ANK1: variants seen among roughly 807,000 people sequenced by gnomAD.
ANK1 encodes ankyrin 1, also known as ankyrin-1.
In ANK1, 51 loss-of-function variants were observed where a neutral mutation model predicts 210.4. The observed-to-expected ratio is 0.24, with a 90% CI of 0.19 to 0.31. The LOEUF (loss-of-function observed/expected upper bound fraction) is 0.31, where lower values mean the gene tolerates loss of function less well. Among genes scored for constraint, ANK1 ranks in the 10% least tolerant of loss-of-function variants. The pLI is 1.00. For synonymous variants in ANK1, 967 were observed against 1,025.9 expected (o/e 0.94, Z 1.10); for missense variants, 2,051 against 2,504.4 (o/e 0.82, Z 3.86).
chr8:41,820,326 AATGTGT>A (rs1476372067), intron 1 of ANK1, among the ~76,000 whole-genome samples: 1 of 102,358 alleles, frequency 9.8e-6, no homozygotes, highest in Non-Finnish European at 2.1e-5. Context: ...CACCAAGCTA[AATGTGT>A]GTGTGTGTGT....
intron 3 of ANK1, among the ~76,000 whole-genome samples, chr8:41,733,031 C>T (rs1832611624): frequency 6.6e-6 from 1 of 152,232 alleles, no homozygotes; most frequent in Non-Finnish European, 1.5e-5. Flanking sequence ...AGCCACCGCG[C>T]CCAGTCTGTT....
At position 41,690,530 on chromosome 8, in the gene ANK1, G is replaced by A. The variant is rs2150586181; in HGVS notation, c.3928C>T (p.Gln1310Ter). Residue 1310 changes from glutamine to a stop codon, truncating the protein, a stop_gained, in exon 32 of 43, where the codon CAG becomes TAG. Coordinates refer to ENST00000289734, the MANE Select transcript of ANK1 (RefSeq NM_000037.4). LOFTEE classifies it high-confidence loss of function. ...AATGACTGGAAGTGGAAGCTCCGCT[G>A]CTGGGCAGCTTTCTTCACAGGCACC... Reference protein sequence around the residue: ...NLVPVKKAAQQRSFHFQSFRE... With the variant: ...NLVPVKKAAQ The A allele has an allele frequency of 6.2e-7, 1 of 1,614,114 alleles. No individual in the cohort carries two copies. Among genetic ancestry groups the A allele is most frequent in the Non-Finnish European group, 8.5e-7 (1 of 1,179,960 alleles).
chr8:41,670,348 A>C, intron 38 of ANK1, among the ~76,000 whole-genome samples: 1 of 152,050 alleles, frequency 6.6e-6, no homozygotes. Context: ...GACCAAGGTC[A>C]CAGCACCAGG....
chr8:41,656,866 G>T (rs926141190), intron 42 of ANK1, among the ~76,000 whole-genome samples: 23 of 152,154 alleles, frequency 1.5e-4, no homozygotes, highest in Non-Finnish European at 2.6e-4. Context: ...CCTTGCCAGG[G>T]GCTGCTGTAG....
intron 37 of ANK1, among the ~76,000 whole-genome samples, chr8:41,678,135 C>CT (rs904465105): frequency 8.6e-5 from 13 of 151,202 alleles, no homozygotes; most frequent in Non-Finnish European, 1.5e-4. Flanking sequence ...GTCCATATTT[C>CT]TTTTTTTTTC....
At chr8:41,656,454 G>A (rs951966477) in intron 42 of ANK1, among the ~76,000 whole-genome samples, 3 of 152,206 alleles carry the variant, frequency 2.0e-5, no homozygotes, top group African/African-American at 7.2e-5. Flanking sequence ...CTCCTGTATT[G>A]AGTCTTAGGC....
At chr8:41,865,553 G>C (rs1463312868) in intron 1 of ANK1, among the ~76,000 whole-genome samples, 1 of 152,144 alleles carries the variant, frequency 6.6e-6, no homozygotes, top group East Asian at 1.9e-4. Context: ...GCTCAGGGCA[G>C]ATGGCCCTGT....
At chr8:41,882,508 G>A (rs1817756550) in intron 1 of ANK1, among the ~76,000 whole-genome samples, 1 of 152,176 alleles carries the variant, frequency 6.6e-6, no homozygotes, top group Admixed American at 6.5e-5. Flanking sequence ...TGCATCCCAG[G>A]GTGTTGGAGA....
At chr8:41,802,995 G>GAGA (rs1850181113) in intron 1 of ANK1, among the ~76,000 whole-genome samples, 1 of 57,492 alleles carries the variant, frequency 1.7e-5, no homozygotes, top group African/African-American at 6.7e-5. Context: ...GAGAGAAAGA[G>GAGA]AGAAAGAAAG....
rs747090498 is a variant in ANK1, at chr8:41,661,884, G to A, written c.5536C>T (p.His1846Tyr). Residue 1846 changes from histidine (H) to tyrosine (Y), a missense_variant, in exon 41 of 43, where the codon CAC becomes TAC. By Grantham distance (83) the His-to-Tyr change is moderately conservative. Coordinates refer to ENST00000289734, the MANE Select transcript of ANK1 (RefSeq NM_000037.4). The part of the protein sequence containing the change: ...DLSSADAAQE[H>Y]EEVELRGSGL... Reference sequence around the variant, plus strand: ...GGCCCCTCTACAGTCACCTCCTCGTGCTCCTGGGCGGCATCGGCGCTGGAC... The same window carrying A: ...GGCCCCTCTACAGTCACCTCCTCGTACTCCTGGGCGGCATCGGCGCTGGAC... The A allele has an allele frequency of 3.1e-6, 5 of 1,613,958 alleles. No homozygotes were observed. The highest frequency in any genetic ancestry group is 4.2e-6 in the Non-Finnish European group (5 of 1,179,986).
intron 1 of ANK1, among the ~76,000 whole-genome samples, chr8:41,883,783 T>A (rs1817995175): frequency 6.6e-6 from 1 of 152,270 alleles, no homozygotes. Context: ...TTAAGAGTCC[T>A]CTAAACTAAA....
intron 2 of ANK1, among the ~76,000 whole-genome samples, chr8:41,747,763 C>T (rs745482198): frequency 2.0e-4 from 30 of 152,090 alleles, no homozygotes; most frequent in Non-Finnish European, 3.5e-4. Flanking sequence ...CACTACATTC[C>T]GGATCGTTCC....
At chr8:41,677,102 C>T (rs891573730) in intron 37 of ANK1, among the ~76,000 whole-genome samples, 2 of 152,160 alleles carry the variant, frequency 1.3e-5, no homozygotes, top group Admixed American at 6.5e-5. Flanking sequence ...GTTGATTTCA[C>T]CTGTTTTCCA....
intron 1 of ANK1, among the ~76,000 whole-genome samples, chr8:41,843,135 A>G (rs1587367707): frequency 6.6e-6 from 1 of 152,222 alleles, no homozygotes; most frequent in African/African-American, 2.4e-5. Context: ...GGCATGAGCC[A>G]CCGCGCCCAG....
At chr8:41,842,145 C>A (rs1288087028) in intron 1 of ANK1, among the ~76,000 whole-genome samples, 1 of 152,320 alleles carries the variant, frequency 6.6e-6, no homozygotes, top group East Asian at 1.9e-4. Flanking sequence ...CCAGGGTGGA[C>A]AGGGCAGGAA....
chr8:41,662,297 A>G (rs1808642455), intron 40 of ANK1, among the ~76,000 whole-genome samples: 1 of 151,466 alleles, frequency 6.6e-6, no homozygotes, highest in African/African-American at 2.4e-5. Context: ...CCCTCAAGAC[A>G]GAGCTTCAGA....
At chr8:41,726,645 C>A (rs1225251516) in intron 5 of ANK1, among the ~76,000 whole-genome samples, 1 of 152,156 alleles carries the variant, frequency 6.6e-6, no homozygotes, top group Non-Finnish European at 1.5e-5. Flanking sequence ...CCTCAGCCTC[C>A]CAAAGCGGTT....
intron 1 of ANK1, among the ~76,000 whole-genome samples, chr8:41,776,189 C>T (rs1314103394): frequency 6.6e-6 from 1 of 152,122 alleles, no homozygotes; most frequent in African/African-American, 2.4e-5. Flanking sequence ...ATTCAATATT[C>T]TCCAGTAAGA....
chr8:41,857,325 C>T (rs1057497533), intron 1 of ANK1, among the ~76,000 whole-genome samples: 5 of 151,234 alleles, frequency 3.3e-5, no homozygotes, highest in South Asian at 4.2e-4. Flanking sequence ...TGGCCGGGCG[C>T]GGTGGCTCAT....
Sources: allele counts gnomAD v4.1 joint callset (sites outside exome capture counted in the v4.1 genomes callset), GRCh38; gene constraint gnomAD v4.1.1; transcripts MANE v1.5; gene names NCBI Gene and HGNC (gene_info 2026-07-23, HGNC 2026-07-21).